FRMD3: variants seen among roughly 807,000 people sequenced by gnomAD.
FRMD3 encodes the protein FERM domain-containing protein 3.
FRMD3 carries 33 observed loss-of-function variants against 70.2 expected under a neutral mutation model. That is an observed-to-expected ratio of 0.47 (90% CI 0.36 to 0.63). The LOEUF (loss-of-function observed/expected upper bound fraction) is 0.63, where lower values mean the gene tolerates loss of function less well. Among genes scored for constraint, FRMD3 ranks in the 20% least tolerant of loss-of-function variants. FRMD3 has a pLI of 0.00. For synonymous variants in FRMD3, 279 were observed against 255.9 expected, an observed-to-expected ratio of 1.09 and a Z score of -0.86; for missense variants, 632 against 711.4, an observed-to-expected ratio of 0.89 and a Z score of 1.27.
intron 1 of FRMD3, among the ~76,000 whole-genome samples, chr9:83,531,704 T>A (rs1829794950): frequency 6.6e-6 from 1 of 152,188 alleles, no homozygotes; most frequent in South Asian, 2.1e-4. Context: ...TTAGCACAGA[T>A]ATAGGTTTGC....
chr9:83,583,190 T>C, the FRMD3 span, among the ~76,000 whole-genome samples: 2 of 152,338 alleles, frequency 1.3e-5, no homozygotes, highest in African/African-American at 4.8e-5. Flanking sequence ...CTGGCTTTTC[T>C]GCACAAAAAT....
At chr9:83,417,029 C>G (rs149024765) in intron 1 of FRMD3, among the ~76,000 whole-genome samples, 1 of 152,152 alleles carries the variant, frequency 6.6e-6, no homozygotes, top group Non-Finnish European at 1.5e-5. Context: ...ATGTTCACCA[C>G]GCAAGCAAAA....
At chr9:83,493,863 C>T (rs1205422700) in intron 1 of FRMD3, among the ~76,000 whole-genome samples, 1 of 152,238 alleles carries the variant, frequency 6.6e-6, no homozygotes, top group Admixed American at 6.5e-5. Flanking sequence ...CCAGCCTCCC[C>T]ATCCCCTCCT....
rs548707721 is a variant in FRMD3 at position 83,246,852 on chromosome 9, C to T, written c.*1066G>A. ...CTGCACTGCTCTTCACATCATCGAA[C>T]GCTGGCATCACCATCACTTTCATAA... is the stretch of plus-strand genomic sequence containing the variant. On this transcript the variant is annotated 3_prime_UTR_variant, in exon 14 of 14. Coordinates refer to ENST00000304195, the MANE Select transcript of FRMD3 (RefSeq NM_174938.6). The T allele has an allele frequency of 4.3e-4, 420 of 985,334 alleles. 1 individual carries two copies. In the African/African-American group the frequency reaches 6.6e-3, roughly 15 times the overall value. 61.0% of individuals were successfully genotyped at this position (985,334 alleles called of 1,614,324 possible).
chr9:83,499,238 C>A (rs553754605), intron 1 of FRMD3, among the ~76,000 whole-genome samples: 14 of 152,238 alleles, frequency 9.2e-5, no homozygotes, highest in South Asian at 4.2e-4. Flanking sequence ...CCCCTGAGGG[C>A]AGATCAGCTG....
intron 11 of FRMD3, 31 bp from the exon 12 acceptor site, chr9:83,298,847 C>G: frequency 6.2e-7 from 1 of 1,600,704 alleles, no homozygotes; most frequent in Non-Finnish European, 8.6e-7. Flanking sequence ...TGTGTATGCA[C>G]ACATAGTCAG....
At chr9:83,455,978 A>G (rs1385968624) in intron 1 of FRMD3, among the ~76,000 whole-genome samples, 2 of 152,184 alleles carry the variant, frequency 1.3e-5, no homozygotes, top group African/African-American at 4.8e-5. Flanking sequence ...ATAAACTTTA[A>G]ATTAGAATTT....
At chr9:83,285,665 A>G (rs1383833639) in intron 13 of FRMD3, among the ~76,000 whole-genome samples, 1 of 152,206 alleles carries the variant, frequency 6.6e-6, no homozygotes, top group East Asian at 1.9e-4. Flanking sequence ...ACAATCCAGC[A>G]TTCTTCCATA....
chr9:83,450,940 GT>G (rs1412530577), intron 1 of FRMD3, among the ~76,000 whole-genome samples: 1 of 152,170 alleles, frequency 6.6e-6, no homozygotes, highest in Non-Finnish European at 1.5e-5. Flanking sequence ...TTTAATGAAT[GT>G]CCGTTTAATA....
At chr9:83,576,500 T>A in the FRMD3 span, among the ~76,000 whole-genome samples, 2 of 152,156 alleles carry the variant, frequency 1.3e-5, no homozygotes, top group African/African-American at 2.4e-5. Flanking sequence ...ACAGGTAAAC[T>A]TGTGTCATGG....
At chr9:83,443,341 C>T (rs933974609) in intron 1 of FRMD3, among the ~76,000 whole-genome samples, 2 of 152,166 alleles carry the variant, frequency 1.3e-5, no homozygotes, top group African/African-American at 4.8e-5. Flanking sequence ...CGCCCTGTAT[C>T]GAAGTGTTCT....
At chr9:83,250,287 AC>A (rs1832340564) in intron 13 of FRMD3, among the ~76,000 whole-genome samples, 1 of 152,112 alleles carries the variant, frequency 6.6e-6, no homozygotes, top group African/African-American at 2.4e-5. Flanking sequence ...GATCTTTGCA[AC>A]CTGCGGATCA....
intron 1 of FRMD3, among the ~76,000 whole-genome samples, chr9:83,524,302 T>C (rs948073852): frequency 2.6e-5 from 4 of 152,222 alleles, no homozygotes; most frequent in African/African-American, 9.6e-5. Flanking sequence ...ATTTGTACCA[T>C]GCCAAACATG....
intron 6 of FRMD3, among the ~76,000 whole-genome samples, chr9:83,315,045 T>C (rs910198979): frequency 6.6e-6 from 1 of 151,976 alleles, no homozygotes; most frequent in African/African-American, 2.4e-5. Context: ...GCTTCTGTCA[T>C]TGATATGTTT....
intron 1 of FRMD3, among the ~76,000 whole-genome samples, chr9:83,427,502 C>T (rs113903018): frequency 1.7e-3 from 262 of 152,184 alleles, no homozygotes; most frequent in Non-Finnish European, 2.6e-3. Flanking sequence ...TAGACTTGTT[C>T]CTCTCTCCAT....
chr9:83,514,575 G>T (rs1829413282), intron 1 of FRMD3, among the ~76,000 whole-genome samples: 1 of 152,208 alleles, frequency 6.6e-6, no homozygotes, highest in African/African-American at 2.4e-5. Flanking sequence ...CAACTCTGAA[G>T]AGAGCAGGGA....
chr9:83,552,237 G>A, the FRMD3 span, among the ~76,000 whole-genome samples: 2 of 152,146 alleles, frequency 1.3e-5, no homozygotes, highest in African/African-American at 4.8e-5. Context: ...TTACCCAAAA[G>A]TCATTCAGGG....
rs1564035893 is a variant in FRMD3 at position 83,362,806 on chromosome 9, C to CGCTT, written c.295+10106_295+10107insAAGC. Among the ~76,000 whole-genome samples, 170 of 89,264 alleles carry CGCTT rather than the reference C, an allele frequency of 1.9e-3. 3 individuals carry two copies. Among genetic ancestry groups the CGCTT allele is most frequent in the Middle Eastern group, 7.8e-3 (1 of 128 alleles). The allele number at this position is 89,264 out of a possible 152,430, so 58.6% of individuals were successfully genotyped here. A position where few individuals can be genotyped will look rare whatever the true frequency, so the allele number is the denominator to read the frequency against. On this transcript the variant is annotated intron_variant, in intron 3 of 13. Coordinates refer to ENST00000304195, the MANE Select transcript of FRMD3 (RefSeq NM_174938.6). ...TTCCTTCCCTCCTTCCTTCCTTTTTCCTTCCTTCCCTCCCTCCTTCCTTCC... is the reference window on the plus strand; with the variant it reads ...TTCCTTCCCTCCTTCCTTCCTTTTTCGCTTCTTCCTTCCCTCCCTCCTTCCTTCC...
At chr9:83,394,805 A>C (rs891854490) in intron 1 of FRMD3, among the ~76,000 whole-genome samples, 1 of 152,118 alleles carries the variant, frequency 6.6e-6, no homozygotes, top group African/African-American at 2.4e-5. Context: ...TCCCCACCCC[A>C]AAGTATGTAC....
Sources: allele counts gnomAD v4.1 joint callset (sites outside exome capture counted in the v4.1 genomes callset), GRCh38; gene constraint gnomAD v4.1.1; transcripts MANE v1.5; gene names NCBI Gene and HGNC (gene_info 2026-07-23, HGNC 2026-07-21).